Variants in SDK1 observed in about 807,000 individuals in gnomAD.
The protein encoded by SDK1 is sidekick cell adhesion molecule 1.
Under a neutral mutation model 245.5 loss-of-function variants are expected in SDK1, and 157 were observed. The ratio of observed to expected loss-of-function variants is 0.64; its 90% CI spans 0.56 to 0.73. The LOEUF is 0.73. Ranked by LOEUF, SDK1 falls within the 30% of genes least tolerant of loss-of-function variation. The pLI is 0.00. For synonymous variants in SDK1, 1,647 were observed against 1,278.5 expected, an observed-to-expected ratio of 1.29 and a Z score of -6.15; for missense variants, 3,583 against 3,002.3, an observed-to-expected ratio of 1.19 and a Z score of -4.52.
chr7:3,471,866 C>T (rs530550760), intron 1 of SDK1, among the ~76,000 whole-genome samples: 2 of 152,272 alleles, frequency 1.3e-5, no homozygotes, highest in East Asian at 1.9e-4. Flanking sequence ...CTTCAATGTT[C>T]TCTGAAACAA....
chr7:4,046,523 A>G (rs190782845), intron 17 of SDK1, among the ~76,000 whole-genome samples: 1 of 152,304 alleles, frequency 6.6e-6, no homozygotes, highest in African/African-American at 2.4e-5. Context: ...TATTTTGTGA[A>G]TGAATGTCTA....
chr7:4,175,081 C>T (rs1782108829), intron 33 of SDK1, among the ~76,000 whole-genome samples: 1 of 147,734 alleles, frequency 6.8e-6, no homozygotes. Context: ...GGCTGCCTAC[C>T]TCACGCGCCA....
intron 1 of SDK1, among the ~76,000 whole-genome samples, chr7:3,542,834 C>A (rs1490900920): frequency 6.6e-6 from 1 of 152,074 alleles, no homozygotes; most frequent in African/African-American, 2.4e-5. Context: ...GAAAAAACAT[C>A]AAAGACAAAG....
Position 4,077,089 on chromosome 7 carries a change from C to T in SDK1, c.3102C>T (p.Gly1034=). Residue 1034 remains glycine, a synonymous_variant, in exon 21 of 45, where the codon GGC becomes GGT. Coordinates refer to ENST00000404826, the MANE Select transcript of SDK1 (RefSeq NM_152744.4). ...NSTTHEYKIQ[G]LSSLTTYTID... ...CGACGCACGAGTACAAGATCCAAGG[C>T]CTCTCATCTCTCACCACCTACACCA... The T allele has an allele frequency of 6.2e-7, 1 of 1,614,194 alleles. No individual in the cohort carries two copies. Among genetic ancestry groups the T allele is most frequent in the Non-Finnish European group, 8.5e-7 (1 of 1,180,010 alleles).
intron 5 of SDK1, among the ~76,000 whole-genome samples, chr7:3,830,400 C>G (rs925611357): frequency 3.9e-5 from 6 of 152,118 alleles, no homozygotes; most frequent in African/African-American, 1.4e-4. Flanking sequence ...TGTTAAATGT[C>G]TCAATTTAAA....
At chr7:3,942,972 G>T (rs566816226) in intron 5 of SDK1, among the ~76,000 whole-genome samples, 42 of 152,300 alleles carry the variant, frequency 2.8e-4, no homozygotes, top group African/African-American at 8.9e-4. Context: ...TTTCTGGTGT[G>T]GCACAGGGAG....
At chr7:4,215,717 G>C (rs537896682) in intron 38 of SDK1, among the ~76,000 whole-genome samples, 1 of 152,216 alleles carries the variant, frequency 6.6e-6, no homozygotes, top group Non-Finnish European at 1.5e-5. Flanking sequence ...GTTCACAGCC[G>C]TGCATGAGAG....
intron 4 of SDK1, among the ~76,000 whole-genome samples, chr7:3,679,276 G>T (rs1234830111): frequency 6.6e-6 from 1 of 152,056 alleles, no homozygotes; most frequent in Non-Finnish European, 1.5e-5. Flanking sequence ...TTAGAAAATG[G>T]GCAAAGGAGG....
intron 4 of SDK1, among the ~76,000 whole-genome samples, chr7:3,801,777 G>A (rs1364246374): frequency 6.6e-6 from 1 of 152,120 alleles, no homozygotes; most frequent in Non-Finnish European, 1.5e-5. Flanking sequence ...CCCATTGCAG[G>A]GCCTTTGCAC....
intron 17 of SDK1, among the ~76,000 whole-genome samples, chr7:4,046,935 T>C (rs539989923): frequency 4.6e-5 from 7 of 152,228 alleles, no homozygotes; most frequent in East Asian, 3.9e-4. Flanking sequence ...TTGGGGAGAA[T>C]TGACCTCTTT....
intron 4 of SDK1, among the ~76,000 whole-genome samples, chr7:3,691,864 T>A (rs1784445217): frequency 6.6e-6 from 1 of 152,174 alleles, no homozygotes; most frequent in South Asian, 2.1e-4. Context: ...GCAGGTAATG[T>A]GAGGCAATGG....
intron 4 of SDK1, among the ~76,000 whole-genome samples, chr7:3,644,789 A>C (rs1344667000): frequency 7.1e-6 from 1 of 141,570 alleles, no homozygotes; most frequent in Non-Finnish European, 1.5e-5. Flanking sequence ...AAAAAAAAAA[A>C]AAACAAAAAA....
At chr7:3,555,097 G>A (rs1562559771) in intron 1 of SDK1, among the ~76,000 whole-genome samples, 1 of 151,982 alleles carries the variant, frequency 6.6e-6, no homozygotes, top group East Asian at 1.9e-4. Flanking sequence ...AATTTAAATG[G>A]AACCACAAAA....
chr7:3,423,802 A>T (rs1178586452), intron 1 of SDK1, among the ~76,000 whole-genome samples: 1 of 152,122 alleles, frequency 6.6e-6, no homozygotes, highest in Non-Finnish European at 1.5e-5. Flanking sequence ...ACCTTGTAAA[A>T]TTTTTCTAAC....
At chr7:3,523,855 G>C (rs58748813) in intron 1 of SDK1, among the ~76,000 whole-genome samples, 39,000 of 152,062 alleles carry the variant, frequency 0.26, 5,208 homozygotes, top group East Asian at 0.33. Context: ...TCTTATGGTT[G>C]TACATTTGGT....
chr7:3,713,909 C>T (rs925000163), intron 4 of SDK1, among the ~76,000 whole-genome samples: 1 of 152,030 alleles, frequency 6.6e-6, no homozygotes, highest in Non-Finnish European at 1.5e-5. Flanking sequence ...TCAGGCTTTC[C>T]ACTGCCAAAA....
intron 2 of SDK1, among the ~76,000 whole-genome samples, chr7:3,623,141 A>C (rs1301745095): frequency 6.6e-6 from 1 of 152,160 alleles, no homozygotes; most frequent in Non-Finnish European, 1.5e-5. Context: ...TAACCCTGTA[A>C]AGAGCAAATA....
In SDK1 at chr7:3,779,342, G is replaced by A. The variant is rs367696071; in HGVS notation, c.714-42108G>A. 1.4e-4 allele frequency among the ~76,000 whole-genome samples: 21 copies of A among 152,150 alleles called. 1 individual carries two copies. The East Asian group carries it at 1.5e-3, about 11-fold the overall frequency. ...GAGTGGATAAGAGCAAGGCAGCTCC[G>A]TCTTTTGCATTGTAGCTACCAGAAT... On this transcript the variant is annotated intron_variant, in intron 4 of 44. Transcript: ENST00000404826.
chr7:3,413,573 C>G (rs1240894405), intron 1 of SDK1, among the ~76,000 whole-genome samples: 1 of 152,048 alleles, frequency 6.6e-6, no homozygotes, highest in Non-Finnish European at 1.5e-5. Context: ...CACCTGTAAT[C>G]CCAGCTACTG....
Sources: gnomAD v4.1 joint callset for allele counts (sites outside exome capture counted in the v4.1 genomes callset) on GRCh38, gnomAD v4.1.1 for gene constraint, MANE v1.5 for transcripts, NCBI Gene and HGNC (gene_info 2026-07-23, HGNC 2026-07-21) for gene names.